PPCDC: variants seen among roughly 807,000 people sequenced by gnomAD.
PPCDC encodes phosphopantothenoylcysteine decarboxylase.
Under a neutral mutation model 20.7 loss-of-function variants are expected in PPCDC, and 20 were observed. The observed-to-expected ratio is 0.97, with a 90% CI of 0.68 to 1.41. The LOEUF (loss-of-function observed/expected upper bound fraction) is 1.41. Among genes scored for constraint, PPCDC ranks in the 40% most tolerant of loss-of-function variants. The pLI, the probability that PPCDC is intolerant of heterozygous loss-of-function variation, is 0.00. For missense variants in PPCDC, 246 were observed against 263.8 expected (o/e 0.93, Z 0.47); for synonymous variants, 88 against 100.3 (o/e 0.88, Z 0.73).
chr15:75,029,717 C>T (rs535928818), intron 2 of PPCDC, among the ~76,000 whole-genome samples: 3 of 152,130 alleles, frequency 2.0e-5, no homozygotes, highest in African/African-American at 4.8e-5. Context: ...CCCAGCCACC[C>T]GCTGTGTACC....
chr15:75,031,274 G>C (rs574380110), intron 2 of PPCDC, among the ~76,000 whole-genome samples: 1 of 152,128 alleles, frequency 6.6e-6, no homozygotes, highest in East Asian at 1.9e-4. Flanking sequence ...TTGTAGTTCC[G>C]TAGTTGTCAT....
chr15:75,035,898 C>G lies in PPCDC; in HGVS notation c.135+7445C>G, dbSNP rs554920995. On this transcript the variant is annotated intron_variant, in intron 2 of 5. Coordinates refer to ENST00000342932, the MANE Select transcript of PPCDC (RefSeq NM_021823.5). ...AGGAGAATCTCTGGAACCCAGGAGG[C>G]AGAGGTTGCAGTGAGCCGAGATAGT... Among the ~76,000 whole-genome samples, 191 of 143,042 alleles carry G rather than the reference C, an allele frequency of 1.3e-3. 1 individual carries two copies. The highest frequency in any genetic ancestry group is 7.8e-3 in the Middle Eastern group (2 of 258). 93.8% of individuals were successfully genotyped at this position (143,042 alleles called of 152,430 possible). A position where few individuals can be genotyped will look rare whatever the true frequency, so the allele number is the denominator to read the frequency against.
chr15:75,029,343 T>C (rs1178861023), intron 2 of PPCDC, among the ~76,000 whole-genome samples: 1 of 152,190 alleles, frequency 6.6e-6, no homozygotes, highest in South Asian at 2.1e-4. Context: ...CTGCTGGTGT[T>C]ACTGGCCCCT....
chr15:75,040,017 C>G (rs2066134219), intron 2 of PPCDC, among the ~76,000 whole-genome samples: 1 of 152,190 alleles, frequency 6.6e-6, no homozygotes, highest in Non-Finnish European at 1.5e-5. Flanking sequence ...CTCCCCACCT[C>G]AGGTGATCTG....
intron 1 of PPCDC, among the ~76,000 whole-genome samples, chr15:75,027,841 C>A (rs2065975439): frequency 6.6e-6 from 1 of 152,188 alleles, no homozygotes; most frequent in African/African-American, 2.4e-5. Flanking sequence ...CACTAGTAAG[C>A]CACTCCCTGT....
intron 2 of PPCDC, among the ~76,000 whole-genome samples, chr15:75,036,013 G>T (rs1376224130): frequency 6.6e-6 from 1 of 151,088 alleles, no homozygotes; most frequent in Non-Finnish European, 1.5e-5. Flanking sequence ...AGTGGTGTCA[G>T]CAGGGGACTA....
intron 1 of PPCDC, among the ~76,000 whole-genome samples, chr15:75,027,333 G>A (rs759631330): frequency 3.9e-5 from 6 of 152,134 alleles, no homozygotes; most frequent in Non-Finnish European, 5.9e-5. Context: ...AACCCGCCAC[G>A]TGTAGGTTTT....
intron 2 of PPCDC, among the ~76,000 whole-genome samples, chr15:75,038,348 C>T (rs2066110661): frequency 6.6e-6 from 1 of 152,174 alleles, no homozygotes; most frequent in Non-Finnish European, 1.5e-5. Flanking sequence ...GATGGTGGTG[C>T]TGGCTGAGAG....
At chr15:75,047,950 C>T (rs1197106234) in intron 4 of PPCDC, among the ~76,000 whole-genome samples, 4 of 152,208 alleles carry the variant, frequency 2.6e-5, no homozygotes, top group Non-Finnish European at 5.9e-5. Flanking sequence ...GATGGTGAGG[C>T]TGTGCAGTGG....
chr15:75,025,775 T>G (rs1488644365), intron 1 of PPCDC, among the ~76,000 whole-genome samples: 1 of 152,174 alleles, frequency 6.6e-6, no homozygotes, highest in African/African-American at 2.4e-5. Context: ...GTTACAGTAA[T>G]AGACTTACTG....
chr15:75,039,355 GGGGAAGCA>G (rs1567057110), intron 2 of PPCDC, among the ~76,000 whole-genome samples: 2 of 152,184 alleles, frequency 1.3e-5, no homozygotes, highest in South Asian at 2.1e-4. Context: ...GGGTCAAGTA[GGGGAAGCA>G]GGCTTGGGTC....
At chr15:75,039,909 C>G (rs1202690116) in intron 2 of PPCDC, among the ~76,000 whole-genome samples, 1 of 151,746 alleles carries the variant, frequency 6.6e-6, no homozygotes, top group Non-Finnish European at 1.5e-5. Context: ...CTCAGCCTCC[C>G]GAGTAGCTGG....
At chr15:75,047,990 G>A (rs2066260253) in intron 4 of PPCDC, among the ~76,000 whole-genome samples, 1 of 152,164 alleles carries the variant, frequency 6.6e-6, no homozygotes, top group Admixed American at 6.5e-5. Flanking sequence ...CCATTGTCCG[G>A]GTGTGGGCGT....
intron 2 of PPCDC, among the ~76,000 whole-genome samples, chr15:75,036,157 C>T (rs1284849501): frequency 6.6e-6 from 1 of 152,006 alleles, no homozygotes; most frequent in Admixed American, 6.6e-5. Context: ...GAGTTTCTGC[C>T]CTGCCAGGGC....
At chr15:75,043,368 G>A in intron 2 of PPCDC, 73 bp from the exon 3 acceptor site, 2 of 1,353,210 alleles carry the variant, frequency 1.5e-6, no homozygotes, top group Non-Finnish European at 2.1e-6. Flanking sequence ...TGACCCTCCT[G>A]TGGCCTCCAG....
intron 2 of PPCDC, among the ~76,000 whole-genome samples, chr15:75,030,864 A>G (rs2066012564): frequency 6.6e-6 from 1 of 152,116 alleles, no homozygotes; most frequent in African/African-American, 2.4e-5. Context: ...ATGTCCAGAC[A>G]TCCCGGGAAA....
chr15:75,049,043 C>T (rs763377087), intron 5 of PPCDC, 107 bp from the exon 6 acceptor site: 2 of 1,082,352 alleles, frequency 1.8e-6, no homozygotes, highest in Admixed American at 1.8e-5. Flanking sequence ...CAGACCTTGC[C>T]CTCTCAGGCC....
At chr15:75,026,271 A>G (rs1158847966) in intron 1 of PPCDC, among the ~76,000 whole-genome samples, 1 of 152,164 alleles carries the variant, frequency 6.6e-6, no homozygotes, top group South Asian at 2.1e-4. Context: ...CTGGAGAATA[A>G]AGAATGTGCC....
intron 2 of PPCDC, among the ~76,000 whole-genome samples, chr15:75,031,730 C>G (rs1416291479): frequency 1.3e-5 from 2 of 152,020 alleles, no homozygotes; most frequent in African/African-American, 4.8e-5. Flanking sequence ...AAAACAAGAT[C>G]AACAGGAGAA....
Sources: allele counts gnomAD v4.1 joint callset (sites outside exome capture counted in the v4.1 genomes callset), GRCh38; gene constraint gnomAD v4.1.1; transcripts MANE v1.5; gene names NCBI Gene and HGNC (gene_info 2026-07-23, HGNC 2026-07-21).